BICC1: variants seen among roughly 807,000 people sequenced by gnomAD.
BICC1 encodes the protein protein bicaudal C homolog 1.
In BICC1, 43 loss-of-function variants were observed where a neutral mutation model predicts 111.0. That is an observed-to-expected ratio of 0.39 (90% confidence interval 0.30 to 0.50). The LOEUF (loss-of-function observed/expected upper bound fraction) is 0.50. BICC1 is among the 20% of genes least tolerant of loss of function. The pLI is 0.88. For synonymous variants in BICC1, 467 were observed against 434.4 expected (o/e 1.07, Z -0.93); for missense variants, 1,091 against 1,203.2 (o/e 0.91, Z 1.38).
rs528813032 is a variant in BICC1 at position 58,702,227 on chromosome 10, C to A, written c.307+84C>A. The A allele has an allele frequency of 7.5e-5, 77 of 1,025,664 alleles. 1 individual carries two copies. In the South Asian group the frequency reaches 1.1e-3, roughly 15 times the overall value. 63.5% of individuals were successfully genotyped at this position (1,025,664 alleles called of 1,614,324 possible). Reference sequence around the variant, plus strand: ...GCAGGTTTGCTGGGGAGAAAACTAACCTTTATTCTTAACACTTTTGTCCCA... The same window carrying A: ...GCAGGTTTGCTGGGGAGAAAACTAAACTTTATTCTTAACACTTTTGTCCCA... On this transcript the variant is annotated intron_variant, in intron 3 of 20. Transcript: ENST00000373886.
intron 1 of BICC1, among the ~76,000 whole-genome samples, chr10:58,557,821 TC>T (rs1251974287): frequency 6.6e-6 from 1 of 152,124 alleles, no homozygotes; most frequent in Admixed American, 6.6e-5. Flanking sequence ...TATGTTGGTT[TC>T]AGTTAATTGA....
intron 1 of BICC1, among the ~76,000 whole-genome samples, chr10:58,528,127 GTTCA>G (rs1179737912): frequency 6.6e-6 from 1 of 151,858 alleles, no homozygotes; most frequent in African/African-American, 2.4e-5. Flanking sequence ...TAAAAAGTTT[GTTCA>G]TTTTGGGCTA....
rs544638781 is a variant in BICC1 at position 58,620,383 on chromosome 10, A to C, written c.191-472A>C. Among the ~76,000 whole-genome samples, 70 of 152,320 alleles carry C rather than the reference A, an allele frequency of 4.6e-4. 2 individuals are homozygous for C. The South Asian group carries it at 0.014, about 30-fold the overall frequency. ...TATATACAAATGAAGGAGTGAATTA[A>C]AAGTATATGATGCCAGCTGAAATTC... On this transcript the variant is annotated intron_variant, in intron 1 of 20. Transcript: ENST00000373886.
intron 3 of BICC1, among the ~76,000 whole-genome samples, chr10:58,772,575 C>T (rs1589124539): frequency 1.3e-5 from 2 of 152,168 alleles, no homozygotes; most frequent in East Asian, 3.8e-4. Flanking sequence ...AATCTGTTCC[C>T]TGAATGTCTG....
intron 3 of BICC1, among the ~76,000 whole-genome samples, chr10:58,712,516 G>T (rs996272886): frequency 1.3e-5 from 2 of 152,166 alleles, no homozygotes; most frequent in African/African-American, 2.4e-5. Context: ...ATATTATTCA[G>T]TGCTAAAAAG....
At chr10:58,518,157 A>C (rs1230919151) in intron 1 of BICC1, among the ~76,000 whole-genome samples, 2 of 152,112 alleles carry the variant, frequency 1.3e-5, no homozygotes, top group African/African-American at 4.8e-5. Context: ...TCTTGCTTTG[A>C]GTATTTTTCA....
chr10:58,656,186 C>T (rs1838641530), intron 2 of BICC1, among the ~76,000 whole-genome samples: 1 of 151,884 alleles, frequency 6.6e-6, no homozygotes, highest in African/African-American at 2.4e-5. Context: ...ATAACAGGAG[C>T]TGAAATTGTG....
intron 2 of BICC1, among the ~76,000 whole-genome samples, chr10:58,662,176 C>A (rs961836699): frequency 6.6e-6 from 1 of 152,012 alleles, no homozygotes; most frequent in East Asian, 1.9e-4. Context: ...ATTAGTAGTC[C>A]CTCCAGGCCA....
At chr10:58,623,852 T>C (rs1189102178) in intron 2 of BICC1, among the ~76,000 whole-genome samples, 1 of 152,004 alleles carries the variant, frequency 6.6e-6, no homozygotes, top group East Asian at 1.9e-4. Flanking sequence ...AACTTAGTTA[T>C]GTAGTCTTAC....
chr10:58,788,487 A>C, intron 6 of BICC1, 64 bp downstream of exon 6: 8 of 1,108,990 alleles, frequency 7.2e-6, no homozygotes, highest in Non-Finnish European at 1.1e-5. Flanking sequence ...TAAGGCACTA[A>C]AAATATAATA....
chr10:58,755,717 T>C (rs1356070330), intron 3 of BICC1, among the ~76,000 whole-genome samples: 1 of 152,084 alleles, frequency 6.6e-6, no homozygotes, highest in Non-Finnish European at 1.5e-5. Flanking sequence ...TAAGTTTCAA[T>C]GACATTCTGG....
chr10:58,759,493 T>G (rs2132674943), intron 3 of BICC1, among the ~76,000 whole-genome samples: 2 of 152,250 alleles, frequency 1.3e-5, no homozygotes, highest in Middle Eastern at 6.8e-3. Flanking sequence ...TGTATGTATT[T>G]GTATAGTGGC....
intron 2 of BICC1, among the ~76,000 whole-genome samples, chr10:58,626,902 C>T (rs544968667): frequency 3.3e-5 from 5 of 152,166 alleles, no homozygotes; most frequent in Admixed American, 2.0e-4. Flanking sequence ...GTCAGGAGTT[C>T]GAGACCAGCC....
chr10:58,825,681 A>G (rs1357290943), intron 20 of BICC1, among the ~76,000 whole-genome samples: 1 of 152,242 alleles, frequency 6.6e-6, no homozygotes, highest in Non-Finnish European at 1.5e-5. Context: ...GCTCGATGTT[A>G]CAAGTATCCG....
At chr10:58,665,645 T>C (rs949685653) in intron 2 of BICC1, among the ~76,000 whole-genome samples, 4 of 152,214 alleles carry the variant, frequency 2.6e-5, no homozygotes, top group Non-Finnish European at 5.9e-5. Flanking sequence ...CAGGCACTCA[T>C]CTACACTGTG....
At chr10:58,676,293 A>AG (rs1839339410) in intron 2 of BICC1, among the ~76,000 whole-genome samples, 1 of 152,140 alleles carries the variant, frequency 6.6e-6, no homozygotes, top group East Asian at 1.9e-4. Flanking sequence ...CTACCCTGGA[A>AG]GGGGGGCTGA....
chr10:58,572,549 A>G (rs1169658733), intron 1 of BICC1, among the ~76,000 whole-genome samples: 1 of 152,112 alleles, frequency 6.6e-6, no homozygotes, highest in Non-Finnish European at 1.5e-5. Context: ...TGGGGATTTC[A>G]TTTTTAATCT....
chr10:58,664,644 T>C (rs1838952002), intron 2 of BICC1, among the ~76,000 whole-genome samples: 1 of 152,148 alleles, frequency 6.6e-6, no homozygotes, highest in South Asian at 2.1e-4. Context: ...TGGGCCATCT[T>C]GAGGTCTATT....
At chr10:58,567,260 A>T (rs545239253) in intron 1 of BICC1, among the ~76,000 whole-genome samples, 2 of 152,196 alleles carry the variant, frequency 1.3e-5, no homozygotes, top group Admixed American at 1.3e-4. Flanking sequence ...TTTATGGTGG[A>T]CTATTCCCAG....
Sources: allele counts gnomAD v4.1 joint callset (sites outside exome capture counted in the v4.1 genomes callset), GRCh38; gene constraint gnomAD v4.1.1; transcripts MANE v1.5; gene names NCBI Gene and HGNC (gene_info 2026-07-23, HGNC 2026-07-21).